AKR1C3: variants seen among roughly 807,000 people sequenced by gnomAD.
AKR1C3 encodes aldo-keto reductase family 1 member C3, also known as 3-alpha hydroxysteroid dehydrogenase, type II.
Under a neutral mutation model 43.6 loss-of-function variants are expected in AKR1C3, and 48 were observed. That is an observed-to-expected ratio of 1.10 (90% confidence interval 0.87 to 1.40). The LOEUF (loss-of-function observed/expected upper bound fraction) is 1.40, where lower values mean the gene tolerates loss of function less well. Among genes scored for constraint, AKR1C3 ranks in the 40% most tolerant of loss-of-function variants. The probability of loss-of-function intolerance (pLI) is 0.00; values close to 1 mark genes in which losing one functional copy is unlikely to be tolerated. For synonymous variants in AKR1C3, 162 were observed against 139.6 expected (o/e 1.16, Z -1.13); for missense variants, 482 against 391.2 (o/e 1.23, Z -1.96).
At chr10:5,090,025 G>A (rs894136835), upstream of AKR1C3, among the ~76,000 whole-genome samples, 1 of 152,118 alleles carries the variant, frequency 6.6e-6, no homozygotes, top group Non-Finnish European at 1.5e-5. Context: ...TTTACATTGA[G>A]TTGCGCAGTT....
intron 7 of AKR1C3, among the ~76,000 whole-genome samples, chr10:5,104,236 A>T (rs1177674345): frequency 1.3e-5 from 2 of 152,048 alleles, no homozygotes; most frequent in African/African-American, 4.8e-5. Context: ...AATTCTCTTT[A>T]CTTATAAATT....
At chr10:5,065,043 A>T (rs782535639) in intron 1 of AKR1C3, among the ~76,000 whole-genome samples, 1 of 152,234 alleles carries the variant, frequency 6.6e-6, no homozygotes, top group Non-Finnish European at 1.5e-5. Flanking sequence ...AGAGAAATGT[A>T]AATCAAAACC....
In AKR1C3 at chr10:5,071,272, G is replaced by C. The variant is rs568944601; in HGVS notation, c.84+22377G>C. Among the ~76,000 whole-genome samples the C allele has an allele frequency of 3.3e-5, 5 of 152,334 alleles. No individual in the cohort carries two copies. The South Asian group carries it at 1.0e-3, about 32-fold the overall frequency. Reference sequence around the variant, plus strand: ...CTGCTGTGGTGCTCCATGGTGCAAAGCAGGAGAGTAAGAGATCAGGAGCAA... The same window carrying C: ...CTGCTGTGGTGCTCCATGGTGCAAACCAGGAGAGTAAGAGATCAGGAGCAA... On this transcript the variant is annotated intron_variant, in intron 1 of 8. Transcript: ENST00000439082.
At chr10:5,064,930 AAAATT>A (rs1196440153) in intron 1 of AKR1C3, among the ~76,000 whole-genome samples, 2 of 151,396 alleles carry the variant, frequency 1.3e-5, no homozygotes, top group African/African-American at 4.9e-5. Context: ...GCAAAAAAAA[AAAATT>A]AAAAAGTGGG....
intron 1 of AKR1C3, among the ~76,000 whole-genome samples, chr10:5,082,791 A>C (rs1295282200): frequency 6.6e-6 from 1 of 152,158 alleles, no homozygotes; most frequent in African/African-American, 2.4e-5. Context: ...TTTTGGTATC[A>C]GGATGATACT....
At chr10:5,104,776 C>T (rs1395359149) in intron 7 of AKR1C3, among the ~76,000 whole-genome samples, 1 of 152,084 alleles carries the variant, frequency 6.6e-6, no homozygotes, top group African/African-American at 2.4e-5. Flanking sequence ...TCCATTAAAC[C>T]ATATGTATTT....
chr10:5,052,916 T>C (rs557559699), intron 1 of AKR1C3, among the ~76,000 whole-genome samples: 10 of 143,092 alleles, frequency 7.0e-5, no homozygotes, highest in African/African-American at 2.4e-4. Flanking sequence ...TAGCTAGACA[T>C]AAAGGTTCTC....
In AKR1C3 at chr10:5,107,619, C is replaced by T. The variant is rs770175376; in HGVS notation, c.*116C>T. 4.0e-5 allele frequency: 30 copies of T among 743,408 alleles called. No individual in the cohort carries two copies. The highest frequency in any genetic ancestry group is 8.5e-5 in the Admixed American group (3 of 35,108). 46.1% of individuals were successfully genotyped at this position (743,408 alleles called of 1,614,324 possible). A position where few individuals can be genotyped will look rare whatever the true frequency, so the allele number is the denominator to read the frequency against. On this transcript the variant is annotated 3_prime_UTR_variant, in exon 9 of 9. Coordinates refer to ENST00000380554, the MANE Select transcript of AKR1C3 (RefSeq NM_003739.6). ...CTCTACTTAAATCCGTCCTGTTTAG[C>T]GACTTCAGTCAACTACAGCTGAGTC...
intron 1 of AKR1C3, among the ~76,000 whole-genome samples, chr10:5,060,732 G>A (rs1564354649): frequency 1.3e-5 from 2 of 152,140 alleles, no homozygotes; most frequent in Admixed American, 1.3e-4. Context: ...GCGCTGTGGA[G>A]CAGGGGGTGG....
chr10:5,080,646 C>CAAACAAACAAAG (rs1838815963), intron 1 of AKR1C3: 1 of 152,546 alleles, frequency 6.6e-6, no homozygotes, highest in African/African-American at 2.4e-5. Flanking sequence ...AACAAACAAA[C>CAAACAAACAAAG]AAACAAAGAT....
rs1554787542 is a variant in AKR1C3 at position 5,107,513 on chromosome 10, C to G, written c.*10C>G. On this transcript the variant is annotated 3_prime_UTR_variant, in exon 9 of 9. Coordinates refer to ENST00000380554, the MANE Select transcript of AKR1C3 (RefSeq NM_003739.6). ...TTCAGATGAATATTAACATGGAGGG[C>G]TTTGCCTGATGTCTACCAGAAGCCC... 6.3e-7 allele frequency: 1 copy of G among 1,582,212 alleles called. No individual in the cohort carries two copies. The highest frequency in any genetic ancestry group is 2.2e-5 in the East Asian group (1 of 44,638).
At chr10:5,095,043 T>C (rs1305327039) in intron 1 of AKR1C3, among the ~76,000 whole-genome samples, 1 of 152,070 alleles carries the variant, frequency 6.6e-6, no homozygotes, top group East Asian at 1.9e-4. Flanking sequence ...ACTGTACTAT[T>C]TCACTTTTAA....
chr10:5,098,951 A>G, intron 4 of AKR1C3, 72 bp downstream of exon 4: 3 of 1,251,512 alleles, frequency 2.4e-6, no homozygotes, highest in Non-Finnish European at 3.4e-6. Flanking sequence ...GTTCAATAGG[A>G]AAGAATGGAA....
Position 5,069,568 on chromosome 10 carries a change from G to A in AKR1C3, c.84+20673G>A, listed in dbSNP as rs150598126. 2.4e-3 allele frequency among the ~76,000 whole-genome samples: 367 copies of A among 152,092 alleles called. 2 individuals are homozygous for A. The highest frequency in any genetic ancestry group is 7.5e-3 in the African/African-American group (312 of 41,458). On this transcript the variant is annotated intron_variant, in intron 1 of 8. Coordinates refer to the AKR1C3 transcript ENST00000439082. The stretch of plus-strand genomic sequence containing the variant: ...TATCCTTATAACCTAAAACTTAAGC[G>A]AAACCCTAAAAAGCAAGAATTCCTG...
chr10:5,087,862 G>A (rs1033841462), intron 1 of AKR1C3, among the ~76,000 whole-genome samples: 4 of 150,922 alleles, frequency 2.7e-5, no homozygotes, highest in African/African-American at 9.8e-5. Context: ...CTTTTCTTCT[G>A]CTAACTTTGG....
At chr10:5,074,571 C>T (rs1020091468) in intron 1 of AKR1C3, among the ~76,000 whole-genome samples, 9 of 152,188 alleles carry the variant, frequency 5.9e-5, no homozygotes, top group Non-Finnish European at 1.2e-4. Flanking sequence ...CTCTTAAGTG[C>T]TGCTATCTGT....
chr10:5,104,098 T>C lies in AKR1C3; in HGVS notation c.846+1448T>C, dbSNP rs1232557391. 3.3e-5 allele frequency among the ~76,000 whole-genome samples: 5 copies of C among 152,150 alleles called. No individual in the cohort carries two copies. The East Asian group carries it at 5.8e-4, about 18-fold the overall frequency. On this transcript the variant is annotated intron_variant, in intron 7 of 8. Transcript: ENST00000380554. ...GGTTTTCTCTGTAGTTATGTATTCATGAACAAAAGTTGCTACTTTTCATGT... is the reference window on the plus strand; with the variant it reads ...GGTTTTCTCTGTAGTTATGTATTCACGAACAAAAGTTGCTACTTTTCATGT...
At chr10:5,050,744 C>T (rs1369742114) in intron 1 of AKR1C3, among the ~76,000 whole-genome samples, 3 of 152,136 alleles carry the variant, frequency 2.0e-5, no homozygotes, top group Middle Eastern at 3.4e-3. Flanking sequence ...ATTTTTTGTG[C>T]TATTTCTACA....
At chr10:5,052,886 T>G (rs1478144280) in intron 1 of AKR1C3, among the ~76,000 whole-genome samples, 3 of 150,362 alleles carry the variant, frequency 2.0e-5, no homozygotes, top group Non-Finnish European at 4.4e-5. Flanking sequence ...AGAGTGCCGA[T>G]TGGTGTATTT....
Sources: gnomAD v4.1 joint callset for allele counts (sites outside exome capture counted in the v4.1 genomes callset) on GRCh38, gnomAD v4.1.1 for gene constraint, MANE v1.5 for transcripts, NCBI Gene and HGNC (gene_info 2026-07-23, HGNC 2026-07-21) for gene names.